The following LAMA2 variants were observed in gnomAD, a reference collection of about 807,000 sequenced individuals.
LAMA2 encodes the protein laminin subunit alpha 2, also known as laminin subunit alpha-2.
A neutral mutation model predicts 364.8 loss-of-function variants in LAMA2; 269 were observed. The ratio of observed to expected loss-of-function variants is 0.74; its 90% CI spans 0.67 to 0.82. The LOEUF is 0.82. Among genes scored for constraint, LAMA2 ranks in the 40% least tolerant of loss-of-function variants. The pLI, the probability that LAMA2 is intolerant of heterozygous loss-of-function variation, is 0.00. For synonymous variants in LAMA2, 1,379 were observed against 1,370.6 expected, an observed-to-expected ratio of 1.01 and a Z score of -0.14; for missense variants, 3,807 against 3,873.2, an observed-to-expected ratio of 0.98 and a Z score of 0.45.
chr6:129,501,457 A>T (rs1303545352), intron 58 of LAMA2, among the ~76,000 whole-genome samples: 1 of 152,210 alleles, frequency 6.6e-6, no homozygotes, highest in East Asian at 1.9e-4. Context: ...TAAGCCTTTT[A>T]CCTGCTGTGG....
intron 22 of LAMA2, among the ~76,000 whole-genome samples, chr6:129,306,732 A>G (rs1042279565): frequency 2.0e-5 from 3 of 151,912 alleles, no homozygotes; most frequent in African/African-American, 7.2e-5. Flanking sequence ...AATGCAGCCT[A>G]ACCTGTTTTT....
At chr6:129,465,072 C>A in intron 50 of LAMA2, 73 bp from the exon 51 acceptor site, 1 of 1,256,866 alleles carries the variant, frequency 8.0e-7, no homozygotes, top group Non-Finnish European at 1.2e-6. Context: ...TAACATAAAC[C>A]ACACAAGAAA....
chr6:129,354,357 T>A (rs1681162962), intron 32 of LAMA2, among the ~76,000 whole-genome samples: 1 of 152,116 alleles, frequency 6.6e-6, no homozygotes, highest in African/African-American at 2.4e-5. Flanking sequence ...CCATCTTTAA[T>A]GAAAATGTAT....
At chr6:129,463,333 T>C (rs956824249) in intron 49 of LAMA2, among the ~76,000 whole-genome samples, 5 of 152,000 alleles carry the variant, frequency 3.3e-5, no homozygotes, top group African/African-American at 1.2e-4. Context: ...CGAAATATTA[T>C]AGAGTGTACC....
At chr6:129,312,153 A>G (rs749335917) in intron 22 of LAMA2, among the ~76,000 whole-genome samples, 1 of 32,598 alleles carries the variant, frequency 3.1e-5, no homozygotes, top group African/African-American at 4.1e-4. Flanking sequence ...AAGTTGATGG[A>G]AAAAAAAAAA....
At chr6:129,487,836 A>ACTT (rs113331921) in intron 56 of LAMA2, among the ~76,000 whole-genome samples, 1 of 152,080 alleles carries the variant, frequency 6.6e-6, no homozygotes, top group African/African-American at 2.4e-5. Context: ...CAAACTGAGA[A>ACTT]CTTTTACTAA....
At chr6:128,941,046 C>A (rs1195592552) in intron 1 of LAMA2, among the ~76,000 whole-genome samples, 2 of 152,080 alleles carry the variant, frequency 1.3e-5, no homozygotes, top group Non-Finnish European at 2.9e-5. Context: ...GGGTACAGAA[C>A]CATGTATTCC....
At chr6:129,452,964 C>T in intron 45 of LAMA2, 24 bp from the exon 46 acceptor site, 3 of 1,607,086 alleles carry the variant, frequency 1.9e-6, no homozygotes, top group Non-Finnish European at 2.6e-6. Context: ...ACTCTTGGTT[C>T]TTTGTATCTT....
chr6:128,892,786 A>G (rs953645283), intron 1 of LAMA2, among the ~76,000 whole-genome samples: 5 of 151,894 alleles, frequency 3.3e-5, no homozygotes, highest in African/African-American at 4.8e-5. Context: ...GAGGATTCTT[A>G]GTGTGTCTAC....
intron 54 of LAMA2, 120 bp downstream of exon 54, chr6:129,478,933 T>C (rs1388169614): frequency 2.5e-5 from 22 of 873,542 alleles, no homozygotes; most frequent in Non-Finnish European, 4.0e-5. Flanking sequence ...CTGATCCTAC[T>C]CTTAAACGAT....
intron 53 of LAMA2, among the ~76,000 whole-genome samples, chr6:129,476,259 G>T (rs1347094518): frequency 6.6e-6 from 1 of 152,102 alleles, no homozygotes; most frequent in African/African-American, 2.4e-5. Context: ...TTTTAAAACC[G>T]AGGCTAGATT....
At chr6:129,273,225 T>C (rs118149224) in intron 17 of LAMA2, among the ~76,000 whole-genome samples, 1 of 152,198 alleles carries the variant, frequency 6.6e-6, no homozygotes, top group African/African-American at 2.4e-5. Flanking sequence ...TGCGAAGGGT[T>C]AGATCACCCA....
At chr6:129,245,076 AG>A (rs1456509671) in intron 12 of LAMA2, among the ~76,000 whole-genome samples, 1 of 152,114 alleles carries the variant, frequency 6.6e-6, no homozygotes, top group Non-Finnish European at 1.5e-5. Flanking sequence ...CCAGGAATGG[AG>A]GTAAATTTTT....
intron 2 of LAMA2, among the ~76,000 whole-genome samples, chr6:129,052,314 T>A (rs868588170): frequency 0.017 from 2,627 of 150,746 alleles, 95 homozygotes; most frequent in African/African-American, 0.061. Flanking sequence ...TCTTTTTTTT[T>A]TTTTTTTGTA....
intron 1 of LAMA2, among the ~76,000 whole-genome samples, chr6:128,972,588 G>T (rs925758519): frequency 3.3e-5 from 5 of 152,054 alleles, no homozygotes; most frequent in Non-Finnish European, 7.4e-5. Flanking sequence ...ATCTTTTCTG[G>T]GGGTATTGAT....
At chr6:129,146,203 C>T (rs138200130) in intron 5 of LAMA2, among the ~76,000 whole-genome samples, 251 of 151,728 alleles carry the variant, frequency 1.7e-3, no homozygotes, top group African/African-American at 5.7e-3. Context: ...AACTATCTAA[C>T]GCTAAGATGA....
In LAMA2 at chr6:129,452,976, T is replaced by C; in HGVS notation, c.6430-12T>C. On this transcript the variant is annotated splice_polypyrimidine_tract_variant and intron_variant, in intron 45 of 64. Transcript: ENST00000421865. ...TTTACTCTTGGTTCTTTGTATCTTG[T>C]TTTTTTTAAAGATCAAAGTATCTGT... The C allele has an allele frequency of 1.2e-6, 2 of 1,607,492 alleles. No individual in the cohort carries two copies. The highest frequency in any genetic ancestry group is 1.7e-6 in the Non-Finnish European group (2 of 1,175,272).
chr6:129,401,338 G>A lies in LAMA2; in HGVS notation c.5560G>A (p.Asp1854Asn), dbSNP rs886061050. 10 of 1,558,720 alleles carry A rather than the reference G, an allele frequency of 6.4e-6. No individual in the cohort carries two copies. Among genetic ancestry groups the A allele is most frequent in the Non-Finnish European group, 8.8e-6 (10 of 1,130,148 alleles). The change falls in exon 38 of 65, where the codon GAC becomes AAC. Residue 1854 changes from aspartate to asparagine, a missense_variant and splice_region_variant. Around this residue, in one of 3 missense-constraint regions of LAMA2, gnomAD observed 3,333 missense variants for 3,345.7 expected, o/e 1.00. Transcript: ENST00000421865. ...RLADEINSII[D>N]YVEDIQTKLP... ...TGCAGATGAAATCAACTCCATCATA[G>A]ACGTGAGTATTGGGTAAAACTCAAA... is the stretch of plus-strand genomic sequence containing the variant.
chr6:129,492,200 A>G (rs1784902045), intron 57 of LAMA2, 115 bp from the exon 58 acceptor site: 2 of 1,422,686 alleles, frequency 1.4e-6, no homozygotes, highest in East Asian at 4.6e-5. Context: ...AGGATCTTCA[A>G]CTTAGACTGA....
Sources: gnomAD v4.1 joint callset for allele counts (sites outside exome capture counted in the v4.1 genomes callset) on GRCh38, gnomAD v4.1.1 for gene constraint, gnomAD v4.1.1 regional missense constraint, MANE v1.5 for transcripts, NCBI Gene and HGNC (gene_info 2026-07-23, HGNC 2026-07-21) for gene names.